The following UHRF1 variants were observed in gnomAD, a reference collection of about 807,000 sequenced individuals.
The protein encoded by UHRF1 is ubiquitin like with PHD and ring finger domains 1, also known as E3 ubiquitin-protein ligase UHRF1.
UHRF1 carries 9 observed loss-of-function variants against 96.5 expected under a neutral mutation model. The ratio of observed to expected loss-of-function variants is 0.09; its 90% CI spans 0.06 to 0.16. The LOEUF is 0.16. Ranked by LOEUF, UHRF1 falls within the 10% of genes least tolerant of loss-of-function variation. The pLI is 1.00. For synonymous variants in UHRF1, 455 were observed against 469.9 expected (o/e 0.97, Z 0.41); for missense variants, 626 against 1,131.1 (o/e 0.55, Z 6.40).
rs1453306571 is a variant in UHRF1 at position 4,930,822 on chromosome 19, C to T, written c.515C>T (p.Ser172Phe). The change falls in exon 4 of 17, where the codon TCC (serine) becomes TTC (phenylalanine). Residue 172 changes from serine (S) to phenylalanine (F), a missense_variant. Ser to Phe is a radical substitution (Grantham distance 155, BLOSUM62 -2). Transcript: ENST00000650932. This position sits in a 1 kb window ranked among gnomAD's most constrained non-coding sequence, Gnocchi z 4.4. Reference sequence around the variant, plus strand: ...CCCTCCCGGGACGAGCCCTGCAGCTCCACGTCCAGGCCGGCGCTGGAGGAG... The same window carrying T: ...CCCTCCCGGGACGAGCCCTGCAGCTTCACGTCCAGGCCGGCGCTGGAGGAG... ...KAPSRDEPCS[S>F]TSRPALEEDV... 21 of 1,613,986 alleles carry T rather than the reference C, an allele frequency of 1.3e-5. No homozygotes were observed. Among genetic ancestry groups the T allele is most frequent in the Non-Finnish European group, 1.8e-5 (21 of 1,179,892 alleles).
intron 5 of UHRF1, among the ~76,000 whole-genome samples, chr19:4,933,965 G>A (rs564824732): frequency 0.018 from 1,111 of 63,354 alleles, 3 homozygotes; most frequent in Non-Finnish European, 0.029. Context: ...CTTTGTGTGT[G>A]TGTGTGCGTG....
At chr19:4,958,365 G>A (rs564694490) in intron 16 of UHRF1, among the ~76,000 whole-genome samples, 3 of 152,338 alleles carry the variant, frequency 2.0e-5, no homozygotes, top group Non-Finnish European at 2.9e-5. Context: ...TGTTGTGAAG[G>A]TCCCGGCTTA....
intron 16 of UHRF1, among the ~76,000 whole-genome samples, chr19:4,957,608 C>T (rs554138717): frequency 2.0e-5 from 3 of 152,230 alleles, no homozygotes; most frequent in East Asian, 3.9e-4. Context: ...GCGCCCACCC[C>T]GCAGCTGATG....
intron 9 of UHRF1, among the ~76,000 whole-genome samples, chr19:4,945,587 A>G (rs537261906): frequency 2.0e-5 from 3 of 151,424 alleles, no homozygotes; most frequent in Admixed American, 2.0e-4. Flanking sequence ...GAGGCCGAAG[A>G]GGAGCATCGG....
At chr19:4,909,302 C>G (rs770659912), upstream of UHRF1, 30 of 543,528 alleles carry the variant, frequency 5.5e-5, no homozygotes, top group Admixed American at 1.6e-4. Flanking sequence ...ACGCTGGGCG[C>G]GCCCAGCAGA....
At chr19:4,937,268 A>G (rs2033244751) in intron 5 of UHRF1, among the ~76,000 whole-genome samples, 1 of 145,638 alleles carries the variant, frequency 6.9e-6, no homozygotes, top group Non-Finnish European at 1.5e-5. Context: ...ATCCCTGAGT[A>G]GTATTCTGTG....
At chr19:4,933,702 G>C (rs79136298) in intron 5 of UHRF1, among the ~76,000 whole-genome samples, 5,365 of 152,150 alleles carry the variant, frequency 0.035, 151 homozygotes, top group Non-Finnish European at 0.056. Flanking sequence ...AAACATACAC[G>C]CCAAACCACA....
chr19:4,915,539 C>A (rs913850909), intron 2 of UHRF1, among the ~76,000 whole-genome samples: 2 of 152,084 alleles, frequency 1.3e-5, no homozygotes, highest in Non-Finnish European at 2.9e-5. Context: ...ATGGTGAAAC[C>A]CCGTCTCTAC....
At chr19:4,938,907 C>T (rs1375044217) in intron 5 of UHRF1, among the ~76,000 whole-genome samples, 1 of 148,414 alleles carries the variant, frequency 6.7e-6, no homozygotes, top group Admixed American at 6.8e-5. Flanking sequence ...CCATGCCTGA[C>T]TAATTTTTTT....
intron 2 of UHRF1, among the ~76,000 whole-genome samples, chr19:4,924,598 A>T (rs916754382): frequency 6.6e-6 from 1 of 152,084 alleles, no homozygotes; most frequent in Non-Finnish European, 1.5e-5. Context: ...TTTAGAAAAA[A>T]TTAATAAACT....
intron 11 of UHRF1, among the ~76,000 whole-genome samples, chr19:4,948,922 A>G (rs12610673): frequency 0.2 from 29,918 of 148,140 alleles, 3,961 homozygotes; most frequent in East Asian, 0.63. Flanking sequence ...AGGAGATCGA[A>G]ACCATCCTGG....
Position 4,941,550 on chromosome 19 carries a change from C to G in UHRF1, c.808C>G (p.Arg270Gly). The change falls in exon 6 of 17, where the codon CGG becomes GGG. Residue 270 changes from arginine to glycine, a missense_variant. Coordinates refer to ENST00000650932, the MANE Select transcript of UHRF1 (RefSeq NM_001048201.3). ...CAGGGATGATTCTCTGAACGACTGTCGGATCATCTTCGTGGACGAAGTCTT... is the reference window on the plus strand; with the variant it reads ...CAGGGATGATTCTCTGAACGACTGTGGGATCATCTTCGTGGACGAAGTCTT... ...VLGDDSLNDC[R>G]IIFVDEVFKI... 3.1e-6 allele frequency: 5 copies of G among 1,613,470 alleles called. No homozygotes were observed. Among genetic ancestry groups the G allele is most frequent in the Non-Finnish European group, 4.2e-6 (5 of 1,179,702 alleles).
intron 2 of UHRF1, among the ~76,000 whole-genome samples, chr19:4,915,731 A>C (rs759786590): frequency 5.9e-5 from 9 of 152,066 alleles, no homozygotes; most frequent in East Asian, 1.9e-4. Context: ...AAAACAAAAA[A>C]CAAAACCAAA....
intron 2 of UHRF1, among the ~76,000 whole-genome samples, chr19:4,920,105 T>C (rs1210571347): frequency 6.6e-6 from 1 of 152,156 alleles, no homozygotes; most frequent in Non-Finnish European, 1.5e-5. Flanking sequence ...GCATGAGCCA[T>C]CGCACCCGGC....
intron 5 of UHRF1, among the ~76,000 whole-genome samples, chr19:4,933,958 T>C (rs1027667433): frequency 1.0e-4 from 3 of 28,790 alleles, no homozygotes; most frequent in African/African-American, 4.4e-4. Flanking sequence ...CTTGCCTCTT[T>C]GTGTGTGTGT....
At chr19:4,944,047 T>C in intron 7 of UHRF1, 85 bp from the exon 8 acceptor site, 1 of 1,569,420 alleles carries the variant, frequency 6.4e-7, no homozygotes, top group Non-Finnish European at 8.6e-7. Flanking sequence ...GGGAGAGCCA[T>C]GTCCGTGGTG....
At chr19:4,949,502 A>AGT (rs2033661062) in intron 11 of UHRF1, among the ~76,000 whole-genome samples, 1 of 148,028 alleles carries the variant, frequency 6.8e-6, no homozygotes, top group Admixed American at 6.8e-5. Flanking sequence ...ACACACACAC[A>AGT]CACTCTCACA....
In UHRF1 at chr19:4,929,086, C is replaced by T. The variant is rs1017108819; in HGVS notation, c.154-136C>T. 6 of 1,275,874 alleles carry T rather than the reference C, an allele frequency of 4.7e-6. No homozygotes were observed. The African/African-American group carries it at 9.0e-5, about 19-fold the overall frequency. 79.0% of individuals were successfully genotyped at this position (1,275,874 alleles called of 1,614,324 possible). On this transcript the variant is annotated intron_variant, in intron 2 of 16. Transcript: ENST00000650932. ...CAGCCCCCTGGCATGGCCCAGGTATCATGGCTCTTTACTCTGATGCAGATT... is the reference window on the plus strand; with the variant it reads ...CAGCCCCCTGGCATGGCCCAGGTATTATGGCTCTTTACTCTGATGCAGATT...
At chr19:4,953,648 TAG>T (rs2033777804) in intron 13 of UHRF1, among the ~76,000 whole-genome samples, 1 of 152,182 alleles carries the variant, frequency 6.6e-6, no homozygotes, top group South Asian at 2.1e-4. Flanking sequence ...AATTTTTTTG[TAG>T]AGAGGGGATC....
Sources: gnomAD v4.1 joint callset for allele counts (sites outside exome capture counted in the v4.1 genomes callset) on GRCh38, gnomAD v4.1.1 for gene constraint, Gnocchi (gnomAD v3.1) non-coding constraint, MANE v1.5 for transcripts, NCBI Gene and HGNC (gene_info 2026-07-23, HGNC 2026-07-21) for gene names.